Variants in NABP1 observed in about 807,000 individuals in gnomAD.
NABP1 encodes the protein nucleic acid binding protein 1, also known as SOSS complex subunit B2.
NABP1 carries 18 observed loss-of-function variants against 25.0 expected under a neutral mutation model. The ratio of observed to expected loss-of-function variants is 0.72; its 90% CI spans 0.50 to 1.07. The LOEUF is 1.07. Among genes scored for constraint, NABP1 ranks in the 50% least tolerant of loss-of-function variants. The probability of loss-of-function intolerance (pLI) is 0.00; values close to 1 mark genes in which losing one functional copy is unlikely to be tolerated. For missense variants in NABP1, 270 were observed against 255.6 expected, an observed-to-expected ratio of 1.06 and a Z score of -0.39; for synonymous variants, 71 against 85.0, an observed-to-expected ratio of 0.84 and a Z score of 0.91.
chr2:191,681,805 T>G, intron 2 of NABP1, 141 bp from the exon 3 acceptor site: 1 of 430,304 alleles, frequency 2.3e-6, no homozygotes, highest in Admixed American at 4.4e-5. Flanking sequence ...ATTTATTGTA[T>G]TTGATTTACT....
chr2:191,683,934 G>A lies in NABP1; in HGVS notation c.378+130G>A. 1 of 784,486 alleles carries A rather than the reference G, an allele frequency of 1.3e-6. No individual in the cohort carries two copies. Among genetic ancestry groups the A allele is most frequent in the Non-Finnish European group, 2.0e-6 (1 of 492,938 alleles). 48.6% of individuals were successfully genotyped at this position (784,486 alleles called of 1,614,324 possible). Reference sequence around the variant, plus strand: ...AAAGGATACTTAATTTTTATTGTATGTTTTGTGAGGATATGTATCTGAGGT... The same window carrying A: ...AAAGGATACTTAATTTTTATTGTATATTTTGTGAGGATATGTATCTGAGGT... On this transcript the variant is annotated intron_variant, in intron 4 of 5. Transcript: ENST00000425611. This position sits in a 1 kb window ranked among gnomAD's most constrained non-coding sequence, Gnocchi z 4.1.
rs771623103 is a variant in NABP1 at position 191,678,612 on chromosome 2, A to G, written c.-3A>G. 2 of 1,609,030 alleles carry G rather than the reference A, an allele frequency of 1.2e-6. No homozygotes were observed. The highest frequency in any genetic ancestry group is 2.2e-5 in the East Asian group (1 of 44,784). ...CCGCAGCCGTAGCCGCGCCTGTCCC[A>G]ATATGAATAGGGTCAACGACCCACT... is the stretch of plus-strand genomic sequence containing the variant. On this transcript the variant is annotated 5_prime_UTR_variant, in exon 1 of 6. Coordinates refer to ENST00000425611, the MANE Select transcript of NABP1 (RefSeq NM_001031716.5).
At chr2:191,679,297 A>C (rs1687603233) in intron 2 of NABP1, among the ~76,000 whole-genome samples, 169 bp downstream of exon 2, 1 of 152,154 alleles carries the variant, frequency 6.6e-6, no homozygotes, top group South Asian at 2.1e-4. Context: ...CTGGGATGTA[A>C]CAGACCTTTG....
intron 3 of NABP1, chr2:191,682,362 C>T (rs998454831): frequency 2.7e-6 from 1 of 366,168 alleles, no homozygotes; most frequent in Non-Finnish European, 5.4e-6. Flanking sequence ...TCACCATATA[C>T]GAAGCTAGTG....
At chr2:191,682,706 C>CT (rs1191765072) in intron 3 of NABP1, 1 of 234,228 alleles carries the variant, frequency 4.3e-6, no homozygotes, top group Admixed American at 5.4e-5. Flanking sequence ...CTGCCATCTA[C>CT]TTAATGCCTG....
chr2:191,680,430 C>G (rs959553295), intron 2 of NABP1, among the ~76,000 whole-genome samples: 1 of 152,168 alleles, frequency 6.6e-6, no homozygotes, highest in South Asian at 2.1e-4. Context: ...TAGACATTTT[C>G]TTCTCATACA....
Position 191,678,535 on chromosome 2 carries a change from C to G in NABP1, c.-80C>G, listed in dbSNP as rs538014867. 9.5e-7 allele frequency: 1 copy of G among 1,057,608 alleles called. No homozygotes were observed. The highest frequency in any genetic ancestry group is 1.6e-5 in the African/African-American group (1 of 62,950). The allele number at this position is 1,057,608 out of a possible 1,614,324, so 65.5% of individuals were successfully genotyped here. A position where few individuals can be genotyped will look rare whatever the true frequency, so the allele number is the denominator to read the frequency against. On this transcript the variant is annotated 5_prime_UTR_variant, in exon 1 of 6. Coordinates refer to ENST00000425611, the MANE Select transcript of NABP1 (RefSeq NM_001031716.5). ...CCCAAGGTCGCCCCTCTGCCTTCGCCCCTGTCCCGGGAGGGTGGGAAGCTT... is the reference window on the plus strand; with the variant it reads ...CCCAAGGTCGCCCCTCTGCCTTCGCGCCTGTCCCGGGAGGGTGGGAAGCTT...
intron 2 of NABP1, among the ~76,000 whole-genome samples, chr2:191,680,295 T>C (rs1346526191): frequency 6.6e-6 from 1 of 152,150 alleles, no homozygotes; most frequent in Non-Finnish European, 1.5e-5. Context: ...ATAAGTAGAA[T>C]CTTAGAAGTA....
At chr2:191,679,745 T>A (rs1473522344) in intron 2 of NABP1, among the ~76,000 whole-genome samples, 4 of 152,242 alleles carry the variant, frequency 2.6e-5, no homozygotes, top group Admixed American at 6.5e-5. Context: ...ATTTTTTCTT[T>A]TTTATAAGTT....
intron 1 of NABP1, 50 bp downstream of exon 1, chr2:191,678,755 G>A: frequency 6.6e-7 from 1 of 1,522,652 alleles, no homozygotes; most frequent in Non-Finnish European, 9.0e-7. Context: ...CTCCCGGGGC[G>A]GGAGACAGGG....
chr2:191,678,403 CTTTTTTTTTTTT>C lies in NABP1; in HGVS notation c.-199_-188del, dbSNP rs781513296. ...CTTTTTTTCTTTAGAACTTGTGAGC[CTTTTTTTTTTTT>C]TTTTTTTTTTTTCTTTTTTTAGGCT... On this transcript the variant is annotated 5_prime_UTR_variant, in exon 1 of 6. Transcript: ENST00000425611. The C allele has an allele frequency of 1.3e-4, 31 of 242,014 alleles. No homozygotes were observed. Among genetic ancestry groups the C allele is most frequent in the Middle Eastern group, 1.2e-3 (1 of 830 alleles). The allele number at this position is 242,014 out of a possible 1,614,324, so 15.0% of individuals were successfully genotyped here.
chr2:191,678,527 G>C lies in NABP1; in HGVS notation c.-88G>C, dbSNP rs1189276872. The C allele has an allele frequency of 9.8e-6, 9 of 921,136 alleles. No homozygotes were observed. The highest frequency in any genetic ancestry group is 1.5e-5 in the Non-Finnish European group (9 of 612,496). 57.1% of individuals were successfully genotyped at this position (921,136 alleles called of 1,614,324 possible). ...CACCCCTGCCCAAGGTCGCCCCTCT[G>C]CCTTCGCCCCTGTCCCGGGAGGGTG... is the stretch of plus-strand genomic sequence containing the variant. On this transcript the variant is annotated 5_prime_UTR_variant, in exon 1 of 6. Coordinates refer to ENST00000425611, the MANE Select transcript of NABP1 (RefSeq NM_001031716.5).
rs1558985019 is a variant in NABP1, at chr2:191,679,013, GGC to G, written c.116_117del (p.Gly39AlafsTer2). 6.2e-7 allele frequency: 1 copy of G among 1,614,188 alleles called. No individual in the cohort carries two copies. Among genetic ancestry groups the G allele is most frequent in the South Asian group, 1.1e-5 (1 of 91,082 alleles). ...AGGACGCGTGACCAAAACCAAAGACGGCCATGAAGTGAGATCGTGCAAAGTAG... is the reference window on the plus strand; with the variant it reads ...AGGACGCGTGACCAAAACCAAAGACGCATGAAGTGAGATCGTGCAAAGTAG... The part of the protein sequence containing the change: ...EIGRVTKTKD[G>X]HEVRSCKVAD... On this transcript the variant is annotated frameshift_variant, in exon 2 of 6. Transcript: ENST00000425611. LOFTEE classifies it high-confidence loss of function.
At position 191,679,029 on chromosome 2, in the gene NABP1, C is replaced by A; in HGVS notation, c.131C>A (p.Ser44Ter). 1 of 1,614,226 alleles carries A rather than the reference C, an allele frequency of 6.2e-7. No homozygotes were observed. Residue 44 changes from serine to a stop codon, truncating the protein, a stop_gained, in exon 2 of 6, where the codon TCG (serine) becomes TAG (stop). Coordinates refer to ENST00000425611, the MANE Select transcript of NABP1 (RefSeq NM_001031716.5). LOFTEE classifies it high-confidence loss of function. ...ACCAAAGACGGCCATGAAGTGAGAT[C>A]GTGCAAAGTAGCAGATAAAACGGGC... is the stretch of plus-strand genomic sequence containing the variant. ...TKTKDGHEVR[S>*]CKVADKTGSI...
intron 2 of NABP1, among the ~76,000 whole-genome samples, chr2:191,681,671 G>T (rs1687689586): frequency 6.6e-6 from 1 of 152,116 alleles, no homozygotes; most frequent in South Asian, 2.1e-4. Context: ...TGTGATCATT[G>T]GGTATAATAA....
rs1687593298 is a variant in NABP1, at chr2:191,679,088, G to A, written c.190G>A (p.Gly64Ser). 1 of 1,614,050 alleles carries A rather than the reference G, an allele frequency of 6.2e-7. No homozygotes were observed. Among genetic ancestry groups the A allele is most frequent in the Admixed American group, 1.7e-5 (1 of 60,014 alleles). Reference sequence around the variant, plus strand: ...TATTTCCGTGTGGGATGAGATCGGAGGTCTTATACAGCCAGGGGATATTAT... The same window carrying A: ...TATTTCCGTGTGGGATGAGATCGGAAGTCTTATACAGCCAGGGGATATTAT... ...ITISVWDEIGGLIQPGDIIRL... is the reference protein window; with the variant it reads ...ITISVWDEIGSLIQPGDIIRL... Residue 64 changes from glycine (G) to serine (S), a missense_variant, in exon 2 of 6, where the codon GGT (glycine) becomes AGT (serine). Gly to Ser is a moderately conservative substitution (Grantham distance 56). Transcript: ENST00000425611.
chr2:191,683,902 A>AAGAAAAAATTAAATGAC lies in NABP1; in HGVS notation c.378+98_378+99insAGAAAAAATTAAATGAC. ...GTTGATACTTAGTATAAAGAAGATA[A>AAGAAAAAATTAAATGAC]TTTTTAAAAGGATACTTAATTTTTA... On this transcript the variant is annotated intron_variant, in intron 4 of 5. Transcript: ENST00000425611. The surrounding 1 kb of genome is among the most constrained non-coding windows in gnomAD (Gnocchi z 4.1). The AAGAAAAAATTAAATGAC allele has an allele frequency of 1.1e-6, 1 of 940,844 alleles. No homozygotes were observed. The highest frequency in any genetic ancestry group is 1.5e-5 in the South Asian group (1 of 65,304). The allele number at this position is 940,844 out of a possible 1,614,324, so 58.3% of individuals were successfully genotyped here.
chr2:191,678,819 C>A, intron 1 of NABP1, 114 bp downstream of exon 1: 1 of 1,237,758 alleles, frequency 8.1e-7, no homozygotes. Flanking sequence ...CCTCCCCCAC[C>A]CACGTGGCTC....
chr2:191,681,999 A>G lies in NABP1; in HGVS notation c.284A>G (p.Glu95Gly), dbSNP rs1687700551. The G allele has an allele frequency of 1.3e-6, 2 of 1,502,898 alleles. No homozygotes were observed. Among genetic ancestry groups the G allele is most frequent in the Non-Finnish European group, 8.8e-7 (1 of 1,131,496 alleles). 93.1% of individuals were successfully genotyped at this position (1,502,898 alleles called of 1,614,324 possible). The change falls in exon 3 of 6, where the codon GAA (glutamate) becomes GGA (glycine). Residue 95 changes from glutamate to glycine, a missense_variant. Coordinates refer to ENST00000425611, the MANE Select transcript of NABP1 (RefSeq NM_001031716.5). The stretch of plus-strand genomic sequence containing the variant: ...ACACTTTATACTGGAAGGGGTGGTG[A>G]ACTTCAAAAAATTGGGGAGTAAGTA... ...CLTLYTGRGG[E>G]LQKIGEFCMV...
Sources: allele counts gnomAD v4.1 joint callset (sites outside exome capture counted in the v4.1 genomes callset), GRCh38; gene constraint gnomAD v4.1.1; non-coding constraint Gnocchi (gnomAD v3.1); transcripts MANE v1.5; gene names NCBI Gene and HGNC (gene_info 2026-07-23, HGNC 2026-07-21).